Variants in MAP4 observed in about 807,000 individuals in gnomAD.
MAP4 encodes the protein microtubule-associated protein 4.
MAP4 carries 76 observed loss-of-function variants against 170.2 expected under a neutral mutation model. The ratio of observed to expected loss-of-function variants is 0.45; its 90% CI spans 0.37 to 0.54. The LOEUF is 0.54. Ranked by LOEUF, MAP4 falls within the 20% of genes least tolerant of loss-of-function variation. MAP4 has a pLI of 0.00. For missense variants in MAP4, 2,506 were observed against 2,748.0 expected, an observed-to-expected ratio of 0.91 and a Z score of 1.97; for synonymous variants, 909 against 994.5, an observed-to-expected ratio of 0.91 and a Z score of 1.62.
At chr3:48,080,314 T>C (rs945110629) in intron 1 of MAP4, among the ~76,000 whole-genome samples, 2 of 152,250 alleles carry the variant, frequency 1.3e-5, no homozygotes, top group African/African-American at 2.4e-5. Flanking sequence ...TCACCTATTA[T>C]GTGAAACATT....
chr3:48,041,020 G>T (rs1334378281), intron 1 of MAP4, among the ~76,000 whole-genome samples: 1 of 151,996 alleles, frequency 6.6e-6, no homozygotes, highest in East Asian at 1.9e-4. Flanking sequence ...TATTTTAAAT[G>T]CACCAAGTAC....
At chr3:48,050,785 A>G (rs1445419099) in intron 1 of MAP4, among the ~76,000 whole-genome samples, 1 of 151,582 alleles carries the variant, frequency 6.6e-6, no homozygotes, top group Non-Finnish European at 1.5e-5. Flanking sequence ...CATGCCTGTA[A>G]TCCCAGCTAC....
chr3:47,871,428 T>C, intron 13 of MAP4, 142 bp from the exon 14 acceptor site: 1 of 722,752 alleles, frequency 1.4e-6, no homozygotes, highest in Admixed American at 2.2e-5. Context: ...GGGAATGGAG[T>C]GGTAAATTAG....
rs374474458 is a variant in MAP4, at chr3:48,022,560, G to C, written c.-19-23681C>G. Among the ~76,000 whole-genome samples the C allele has an allele frequency of 1.1e-4, 16 of 152,254 alleles. No individual in the cohort carries two copies. The East Asian group carries it at 1.3e-3, about 13-fold the overall frequency. ...TTTTTACAGCCAACTCATCCATTAA[G>C]TGAAGGCTAAAATGGGAAATTCAAA... is the stretch of plus-strand genomic sequence containing the variant. On this transcript the variant is annotated intron_variant, in intron 1 of 18. Transcript: ENST00000360240.
At chr3:47,854,866 G>A (rs2052031969) in intron 19 of MAP4, among the ~76,000 whole-genome samples, 1 of 152,064 alleles carries the variant, frequency 6.6e-6, no homozygotes, top group East Asian at 1.9e-4. Flanking sequence ...CTGACATGGG[G>A]CGGGAACCCA....
intron 5 of MAP4, among the ~76,000 whole-genome samples, chr3:47,919,626 T>C (rs1244045186): frequency 1.3e-5 from 2 of 152,208 alleles, no homozygotes; most frequent in Non-Finnish European, 2.9e-5. Flanking sequence ...AAACAAGTTT[T>C]AAAGGAAACA....
chr3:47,998,188 A>G (rs950814817), intron 2 of MAP4, among the ~76,000 whole-genome samples: 1 of 152,224 alleles, frequency 6.6e-6, no homozygotes, highest in African/African-American at 2.4e-5. Flanking sequence ...GCCAATTATT[A>G]GCACATCTGA....
At position 47,946,548 on chromosome 3, in the gene MAP4, T is replaced by C. The variant is rs958446894; in HGVS notation, c.293-18198A>G. On this transcript the variant is annotated intron_variant, in intron 3 of 20. Coordinates refer to ENST00000683076, the MANE Select transcript of MAP4 (RefSeq NM_001385682.1). ...ACAAACCTATAATCCCAGCTACTCA[T>C]GAGGCTGAGACAGGAGAATCGCTTG... is the stretch of plus-strand genomic sequence containing the variant. 4.1e-5 allele frequency among the ~76,000 whole-genome samples: 6 copies of C among 146,732 alleles called. No homozygotes were observed. The South Asian group carries it at 1.3e-3, about 32-fold the overall frequency.
chr3:47,937,853 G>A (rs1374753136), intron 3 of MAP4, among the ~76,000 whole-genome samples: 6 of 150,344 alleles, frequency 4.0e-5, no homozygotes, highest in African/African-American at 1.2e-4. Context: ...GTAGAGACGA[G>A]GTTTCACCAT....
At chr3:47,914,708 T>C in intron 8 of MAP4, 109 bp downstream of exon 8, 2 of 1,290,112 alleles carry the variant, frequency 1.6e-6, no homozygotes, top group South Asian at 2.7e-5. Flanking sequence ...CTTCATAAAC[T>C]ATACTGCTGA....
At chr3:47,873,560 G>A (rs1047519370) in intron 12 of MAP4, among the ~76,000 whole-genome samples, 1 of 152,154 alleles carries the variant, frequency 6.6e-6, no homozygotes, top group Admixed American at 6.6e-5. Context: ...GCAAATGTAG[G>A]GTAATGACAA....
intron 1 of MAP4, among the ~76,000 whole-genome samples, chr3:48,070,514 G>A (rs761838986): frequency 7.8e-4 from 114 of 145,980 alleles, no homozygotes; most frequent in Non-Finnish European, 1.5e-3. Flanking sequence ...TACAAATGGG[G>A]TCTCACTATG....
In MAP4 at chr3:47,863,923, T is replaced by G. The variant is rs138717708; in HGVS notation, c.6501+3323A>C. Reference sequence around the variant, plus strand: ...CTGTGTGTGTGTGTGTGGGTGTGGGTGTGTGTGTGTGTGTGGGGAGTGGTG... The same window carrying G: ...CTGTGTGTGTGTGTGTGGGTGTGGGGGTGTGTGTGTGTGTGGGGAGTGGTG... On this transcript the variant is annotated intron_variant, in intron 17 of 20. Coordinates refer to ENST00000683076, the MANE Select transcript of MAP4 (RefSeq NM_001385682.1). Among the ~76,000 whole-genome samples, 461 of 130,060 alleles carry G rather than the reference T, an allele frequency of 3.5e-3. 6 individuals are homozygous for G. Among genetic ancestry groups the G allele is most frequent in the Admixed American group, 5.4e-3 (74 of 13,710 alleles). 85.3% of individuals were successfully genotyped at this position (130,060 alleles called of 152,430 possible).
At position 47,869,248 on chromosome 3, in the gene MAP4, G is replaced by A. The variant is rs373072815; in HGVS notation, c.6374C>T (p.Pro2125Leu). Residue 2125 changes from proline to leucine, a missense_variant, in exon 16 of 21, where the codon CCA (proline) becomes CTA (leucine). Coordinates refer to ENST00000683076, the MANE Select transcript of MAP4 (RefSeq NM_001385682.1). The part of the protein sequence containing the change: ...ESNAVTKTAG[P>L]IASAQKQPAG... ...AGGTTGTTTCTGTGCACTTGCAATT[G>A]GGCCGGCTGTTTTAGTGACTGCATT... The A allele has an allele frequency of 1.2e-5, 19 of 1,613,930 alleles. No individual in the cohort carries two copies. The African/African-American group carries it at 2.4e-4, about 20-fold the overall frequency.
intron 3 of MAP4, 143 bp downstream of exon 3, chr3:47,977,722 G>T: frequency 1.7e-6 from 1 of 578,508 alleles, no homozygotes. Flanking sequence ...AATGTCCTGG[G>T]TTTAAATACC....
intron 3 of MAP4, among the ~76,000 whole-genome samples, chr3:47,935,662 C>T (rs1053158345): frequency 2.6e-5 from 4 of 151,938 alleles, no homozygotes; most frequent in Non-Finnish European, 5.9e-5. Flanking sequence ...GCTGGCCAGG[C>T]GTGGTGGCTC....
intron 1 of MAP4, among the ~76,000 whole-genome samples, chr3:48,056,595 C>T (rs1457178916): frequency 8.3e-6 from 1 of 120,802 alleles, no homozygotes. Flanking sequence ...CCCCGCCAGC[C>T]GCCCCATCCG....
At chr3:47,972,662 G>A (rs928617050) in intron 3 of MAP4, among the ~76,000 whole-genome samples, 35 of 152,236 alleles carry the variant, frequency 2.3e-4, no homozygotes, top group African/African-American at 7.2e-4. Flanking sequence ...TAAGGTGGCC[G>A]GATCATGAGG....
chr3:48,007,411 C>T (rs1024376319), intron 1 of MAP4, among the ~76,000 whole-genome samples: 5 of 152,180 alleles, frequency 3.3e-5, no homozygotes, highest in African/African-American at 7.2e-5. Flanking sequence ...TGTATTACTC[C>T]GGCCCATTTA....
Sources: allele counts gnomAD v4.1 joint callset (sites outside exome capture counted in the v4.1 genomes callset), GRCh38; gene constraint gnomAD v4.1.1; transcripts MANE v1.5; gene names NCBI Gene and HGNC (gene_info 2026-07-23, HGNC 2026-07-21).